RYR2: variants seen among roughly 807,000 people sequenced by gnomAD.
RYR2 encodes cardiac muscle ryanodine receptor-calcium release channel.
RYR2 carries 227 observed loss-of-function variants against 601.1 expected under a neutral mutation model. That is an observed-to-expected ratio of 0.38 (90% CI 0.34 to 0.42). The LOEUF (loss-of-function observed/expected upper bound fraction) is 0.42, where lower values mean the gene tolerates loss of function less well. RYR2 is among the 10% of genes least tolerant of loss of function. The probability of loss-of-function intolerance (pLI) is 1.00; values close to 1 mark genes in which losing one functional copy is unlikely to be tolerated. For missense variants in RYR2, 4,646 were observed against 6,156.5 expected, an observed-to-expected ratio of 0.75 and a Z score of 8.21; for synonymous variants, 2,223 against 2,175.1, an observed-to-expected ratio of 1.02 and a Z score of -0.61.
chr1:237,412,994 T>C (rs145163646), intron 10 of RYR2, among the ~76,000 whole-genome samples: 1 of 152,274 alleles, frequency 6.6e-6, no homozygotes, highest in Non-Finnish European at 1.5e-5. Flanking sequence ...GGTGTATTCC[T>C]CTAGGTGGGC....
chr1:237,138,419 A>G (rs1673038400), intron 1 of RYR2, among the ~76,000 whole-genome samples: 2 of 152,172 alleles, frequency 1.3e-5, no homozygotes, highest in African/African-American at 4.8e-5. Context: ...AGAAAGAACC[A>G]TGGCCTAGGA....
chr1:237,061,714 C>A (rs545653613), intron 1 of RYR2, among the ~76,000 whole-genome samples: 73 of 152,230 alleles, frequency 4.8e-4, no homozygotes, highest in Non-Finnish European at 7.9e-4. Flanking sequence ...GCTTTTCCCC[C>A]CTCTGTTACT....
chr1:237,420,464 A>G (rs1186910325), intron 11 of RYR2, among the ~76,000 whole-genome samples: 1 of 152,208 alleles, frequency 6.6e-6, no homozygotes, highest in East Asian at 1.9e-4. Flanking sequence ...ATTGCTTTAT[A>G]AAACTCCATT....
intron 20 of RYR2, 124 bp from the exon 21 acceptor site, chr1:237,500,587 T>G (rs1053873928): frequency 8.1e-6 from 6 of 738,870 alleles, no homozygotes; most frequent in Non-Finnish European, 1.3e-5. Flanking sequence ...CATTCAAGAT[T>G]TATTCCTTCT....
chr1:237,703,928 T>A (rs1405938213), intron 66 of RYR2, among the ~76,000 whole-genome samples: 2 of 152,044 alleles, frequency 1.3e-5, no homozygotes, highest in Non-Finnish European at 2.9e-5. Flanking sequence ...TTCTCTACTC[T>A]CATAGGTTTT....
intron 2 of RYR2, among the ~76,000 whole-genome samples, chr1:237,316,335 A>G (rs6659865): frequency 0.029 from 4,389 of 152,266 alleles, 95 homozygotes; most frequent in Middle Eastern, 0.048. Context: ...CATTTGCAGT[A>G]GTTTCTTAAA....
intron 29 of RYR2, among the ~76,000 whole-genome samples, chr1:237,570,338 ATT>A (rs202206483): frequency 0.6 from 85,729 of 142,836 alleles, 26,669 homozygotes; most frequent in Non-Finnish European, 0.7. Context: ...GTTAGTTTGA[ATT>A]TTTTTTTTTT....
At chr1:237,712,364 G>A (rs1688916629) in intron 71 of RYR2, among the ~76,000 whole-genome samples, 1 of 152,162 alleles carries the variant, frequency 6.6e-6, no homozygotes, top group Admixed American at 6.5e-5. Context: ...AGGTGAGGCA[G>A]GGGTCAGTGT....
At chr1:237,709,605 T>C in intron 70 of RYR2, 38 bp downstream of exon 70, 1 of 1,253,512 alleles carries the variant, frequency 8.0e-7, no homozygotes, top group Admixed American at 1.9e-5. Flanking sequence ...GCCTACTGTT[T>C]GTAGGCACCT....
intron 1 of RYR2, among the ~76,000 whole-genome samples, chr1:237,107,703 G>T (rs959929938): frequency 6.6e-6 from 1 of 152,088 alleles, no homozygotes; most frequent in African/African-American, 2.4e-5. Flanking sequence ...TCAGGATCTT[G>T]TGTGGTCACA....
intron 1 of RYR2, among the ~76,000 whole-genome samples, chr1:237,208,968 A>ATATATATATATG (rs1682189474): frequency 1.1e-5 from 1 of 88,772 alleles, no homozygotes; most frequent in African/African-American, 3.5e-5. Flanking sequence ...ATATATATAT[A>ATATATATATATG]TATATATATA....
At chr1:237,677,982 A>G in intron 60 of RYR2, 66 bp from the exon 61 acceptor site, 2 of 966,898 alleles carry the variant, frequency 2.1e-6, no homozygotes, top group Admixed American at 1.9e-5. Flanking sequence ...TAACCTTTGC[A>G]TTATGGATGA....
chr1:237,806,400 G>C (rs915115184), intron 99 of RYR2, 117 bp downstream of exon 99: 5 of 993,728 alleles, frequency 5.0e-6, no homozygotes, highest in African/African-American at 4.9e-5. Flanking sequence ...TTTTTGAAGG[G>C]AGGGTCTGCA....
At chr1:237,395,081 C>A (rs1702702704) in intron 10 of RYR2, among the ~76,000 whole-genome samples, 1 of 152,174 alleles carries the variant, frequency 6.6e-6, no homozygotes, top group South Asian at 2.1e-4. Flanking sequence ...GTCCCCTCCT[C>A]CAACACTGGG....
At chr1:237,707,300 G>T in intron 68 of RYR2, 31 bp downstream of exon 68, 3 of 1,144,384 alleles carry the variant, frequency 2.6e-6, no homozygotes, top group Non-Finnish European at 3.5e-6. Context: ...TTGTACCCCT[G>T]AAATCTGTTT....
chr1:237,310,177 C>G (rs778967113), intron 2 of RYR2, among the ~76,000 whole-genome samples: 1 of 152,142 alleles, frequency 6.6e-6, no homozygotes, highest in Non-Finnish European at 1.5e-5. Context: ...AGATTGGGAG[C>G]GCTTTTCTGT....
intron 3 of RYR2, among the ~76,000 whole-genome samples, chr1:237,345,476 A>T (rs1006490706): frequency 2.0e-5 from 3 of 150,952 alleles, no homozygotes; most frequent in East Asian, 3.9e-4. Context: ...ATAAAAAATA[A>T]AAAATAAAAA....
At chr1:237,777,666 C>T (rs1020113836) in intron 87 of RYR2, among the ~76,000 whole-genome samples, 1 of 152,268 alleles carries the variant, frequency 6.6e-6, no homozygotes, top group Middle Eastern at 3.4e-3. Flanking sequence ...AGTCTGCGTG[C>T]TACAGCGGAT....
Position 237,783,929 on chromosome 1 carries a change from G to A in RYR2, c.12217G>A (p.Asp4073Asn), listed in dbSNP as rs768341298. Residue 4073 changes from aspartate (D) to asparagine (N), a missense_variant, in exon 90 of 105, where the codon GAT (aspartate) becomes AAT (asparagine). Asp to Asn is a conservative substitution (Grantham distance 23). Around this residue, in one of 17 missense-constraint regions of RYR2, gnomAD observed 66 missense variants for 80.7 expected, o/e 0.82. Transcript: ENST00000366574. ...ATTTCTTTTGTCTTGTGCGGAGACG[G>A]ATGAGAATGAAACCCTCGACTACGA... ...TEFLLSCAET[D>N]ENETLDYEEF... 1.9e-6 allele frequency: 3 copies of A among 1,613,370 alleles called. No homozygotes were observed. The highest frequency in any genetic ancestry group is 1.7e-5 in the Admixed American group (1 of 59,946).
Sources: gnomAD v4.1 joint callset for allele counts (sites outside exome capture counted in the v4.1 genomes callset) on GRCh38, gnomAD v4.1.1 for gene constraint, gnomAD v4.1.1 regional missense constraint, MANE v1.5 for transcripts, NCBI Gene and HGNC (gene_info 2026-07-23, HGNC 2026-07-21) for gene names.